Variants in AGAP1 observed in about 807,000 individuals in gnomAD.
AGAP1 encodes the protein arf-GAP with GTPase, ANK repeat and PH domain-containing protein 1.
A neutral mutation model predicts 105.3 loss-of-function variants in AGAP1; 29 were observed. That is an observed-to-expected ratio of 0.28 (90% CI 0.21 to 0.38). AGAP1 has a LOEUF of 0.38. AGAP1 is among the 10% of genes least tolerant of loss of function. The pLI is 1.00. For missense variants in AGAP1, 998 were observed against 1,165.1 expected, an observed-to-expected ratio of 0.86 and a Z score of 2.09; for synonymous variants, 509 against 485.9, an observed-to-expected ratio of 1.05 and a Z score of -0.63.
At position 236,073,250 on chromosome 2, in the gene AGAP1, C is replaced by T. The variant is rs1040498714; in HGVS notation, c.2114+23969C>T. 7.9e-5 allele frequency among the ~76,000 whole-genome samples: 12 copies of T among 152,188 alleles called. No individual in the cohort carries two copies. The highest frequency in any genetic ancestry group is 1.8e-4 in the Non-Finnish European group (12 of 68,036). ...GACCTCGTGAACCACCCGCCTCGGC[C>T]TCCCAAAGTGCTGGGATTACAGATG... On this transcript the variant is annotated intron_variant, in intron 16 of 17. Coordinates refer to ENST00000304032, the MANE Select transcript of AGAP1 (RefSeq NM_001037131.3). This position sits in a 1 kb window ranked among gnomAD's most constrained non-coding sequence, Gnocchi z 5.4.
chr2:235,562,320 C>T (rs552518898), intron 1 of AGAP1, among the ~76,000 whole-genome samples: 5 of 152,008 alleles, frequency 3.3e-5, no homozygotes, highest in East Asian at 1.9e-4. Flanking sequence ...GTCTCTGTGG[C>T]GTGAGGAGTG....
At position 236,090,709 on chromosome 2, in the gene AGAP1, T is replaced by G. The variant is rs374947010; in HGVS notation, c.2115-29483T>G. ...ATAATCCTTCCTTGTTTTTCTTTTG[T>G]TGGTGGTGGTTGTGTTTGTTTTGTT... On this transcript the variant is annotated intron_variant, in intron 16 of 17. Coordinates refer to ENST00000304032, the MANE Select transcript of AGAP1 (RefSeq NM_001037131.3). The surrounding 1 kb of genome is among the most constrained non-coding windows in gnomAD (Gnocchi z 4.3). Among the ~76,000 whole-genome samples the G allele has an allele frequency of 1.8e-4, 27 of 152,012 alleles. No homozygotes were observed. In the South Asian group the frequency reaches 4.8e-3, roughly 27 times the overall value.
chr2:235,669,499 T>TCGCCGCCGCCGCCGCCGCCGC (rs540775923), intron 1 of AGAP1: 2 of 149,746 alleles, frequency 1.3e-5, no homozygotes, highest in Non-Finnish European at 3.0e-5. Flanking sequence ...GCCGCCGCGC[T>TCGCCGCCGCCGCCGCCGCCGC]CGCCGCCGCC....
At chr2:235,952,836 A>AG (rs958580126) in intron 12 of AGAP1, among the ~76,000 whole-genome samples, 1 of 150,708 alleles carries the variant, frequency 6.6e-6, no homozygotes, top group Non-Finnish European at 1.5e-5. Context: ...GCTCAGCCCC[A>AG]GGGCCTTCTG....
At chr2:235,898,642 C>A (rs993138236) in intron 10 of AGAP1, among the ~76,000 whole-genome samples, 4 of 152,124 alleles carry the variant, frequency 2.6e-5, no homozygotes, top group Non-Finnish European at 5.9e-5. Context: ...TTTTATTGGA[C>A]AAGAGTGGTG....
In AGAP1 at chr2:235,785,978, C is replaced by T. The variant is rs562809646; in HGVS notation, c.674-11781C>T. 3.5e-4 allele frequency among the ~76,000 whole-genome samples: 54 copies of T among 152,296 alleles called. 1 individual carries two copies. Among genetic ancestry groups the T allele is most frequent in the Middle Eastern group, 3.4e-3 (1 of 294 alleles). ...CGTGGAAGAGTGTTGAGGAGCCTCA[C>T]GTGCAGATTGAAGAATTGCCGGGTG... On this transcript the variant is annotated intron_variant, in intron 6 of 17. Transcript: ENST00000304032.
chr2:236,106,943 A>G (rs1473650648), intron 16 of AGAP1, among the ~76,000 whole-genome samples: 5 of 151,836 alleles, frequency 3.3e-5, no homozygotes, highest in African/African-American at 9.7e-5. Context: ...TGCATTTTAC[A>G]GATGTGTCAA....
intron 1 of AGAP1, among the ~76,000 whole-genome samples, chr2:235,521,715 A>G (rs1164371759): frequency 7.3e-6 from 1 of 136,460 alleles, no homozygotes; most frequent in East Asian, 2.3e-4. Flanking sequence ...GGATCGATCC[A>G]GTTTCTTGTT....
chr2:235,602,035 G>C (rs1450298621), intron 1 of AGAP1, among the ~76,000 whole-genome samples: 1 of 152,158 alleles, frequency 6.6e-6, no homozygotes, highest in Non-Finnish European at 1.5e-5. Flanking sequence ...AAAATTCTCA[G>C]GATAAACACC....
chr2:235,833,855 G>GTTT (rs77488721), intron 9 of AGAP1, among the ~76,000 whole-genome samples: 12 of 124,898 alleles, frequency 9.6e-5, no homozygotes, highest in East Asian at 2.2e-4. Context: ...CTCCAATCTG[G>GTTT]TTTTTTTTTT....
chr2:236,097,130 T>C (rs2059210528), intron 16 of AGAP1, among the ~76,000 whole-genome samples: 1 of 152,168 alleles, frequency 6.6e-6, no homozygotes, highest in Non-Finnish European at 1.5e-5. Flanking sequence ...AGTAAAGTGC[T>C]TTACTTTTTT....
At chr2:235,809,628 CCT>C (rs2150104437) in intron 9 of AGAP1, among the ~76,000 whole-genome samples, 1 of 152,294 alleles carries the variant, frequency 6.6e-6, no homozygotes, top group Non-Finnish European at 1.5e-5. Flanking sequence ...CTTGTCAAAG[CCT>C]CTCTGTGCAT....
intron 1 of AGAP1, among the ~76,000 whole-genome samples, chr2:235,573,639 A>G (rs1258081331): frequency 2.6e-5 from 4 of 152,228 alleles, no homozygotes; most frequent in Non-Finnish European, 5.9e-5. Flanking sequence ...CGTATGGAAG[A>G]AAGTGTGGCA....
intron 13 of AGAP1, among the ~76,000 whole-genome samples, chr2:235,990,905 C>A (rs1001892759): frequency 1.3e-5 from 2 of 152,202 alleles, no homozygotes; most frequent in Non-Finnish European, 2.9e-5. Flanking sequence ...GGAATTGGGA[C>A]CACCAGGGGT....
chr2:235,899,704 C>T (rs528597702), intron 10 of AGAP1, among the ~76,000 whole-genome samples: 32 of 152,260 alleles, frequency 2.1e-4, no homozygotes, highest in African/African-American at 7.5e-4. Flanking sequence ...AATACTAGGA[C>T]AGCAAAGGAA....
At chr2:235,942,659 C>A (rs1291045765) in intron 12 of AGAP1, among the ~76,000 whole-genome samples, 1 of 142,556 alleles carries the variant, frequency 7.0e-6, no homozygotes, top group Non-Finnish European at 1.5e-5. Flanking sequence ...GTAACAAGAG[C>A]GAAACTCTGT....
rs745704751 is a variant in AGAP1 at position 235,642,236 on chromosome 2, T to G, written c.164-66943T>G. Among the ~76,000 whole-genome samples, 2 of 152,172 alleles carry G rather than the reference T, an allele frequency of 1.3e-5. No homozygotes were observed. Among genetic ancestry groups the G allele is most frequent in the Non-Finnish European group, 2.9e-5 (2 of 68,042 alleles). ...CGTGGCATGTGCAATGGGATCTCTT[T>G]CCTGAGTGCGCATTTCTTTCCTCAC... is the stretch of plus-strand genomic sequence containing the variant. On this transcript the variant is annotated intron_variant, in intron 1 of 17. Transcript: ENST00000304032. This position sits in a 1 kb window ranked among gnomAD's most constrained non-coding sequence, Gnocchi z 4.1.
intron 9 of AGAP1, among the ~76,000 whole-genome samples, chr2:235,828,802 A>C (rs1473440483): frequency 6.6e-6 from 1 of 152,214 alleles, no homozygotes; most frequent in Non-Finnish European, 1.5e-5. Context: ...AGGACACGCT[A>C]AACCACACGA....
At chr2:236,117,021 A>G (rs1372750114) in intron 16 of AGAP1, among the ~76,000 whole-genome samples, 12 of 152,188 alleles carry the variant, frequency 7.9e-5, no homozygotes, top group South Asian at 6.2e-4. Context: ...CCATTGGGGT[A>G]GGTTCCACAA....
Sources: allele counts gnomAD v4.1 joint callset (sites outside exome capture counted in the v4.1 genomes callset), GRCh38; gene constraint gnomAD v4.1.1; non-coding constraint Gnocchi (gnomAD v3.1); transcripts MANE v1.5; gene names NCBI Gene and HGNC (gene_info 2026-07-23, HGNC 2026-07-21).